SHC3: variants seen among roughly 807,000 people sequenced by gnomAD.
The protein encoded by SHC3 is SHC-transforming protein 3.
Under a neutral mutation model 60.4 loss-of-function variants are expected in SHC3, and 15 were observed. The observed-to-expected ratio is 0.25, with a 90% confidence interval of 0.17 to 0.38. SHC3 has a LOEUF of 0.38. Ranked by LOEUF, SHC3 falls within the 10% of genes least tolerant of loss-of-function variation. SHC3 has a pLI of 1.00. For missense variants in SHC3, 677 were observed against 786.1 expected, an observed-to-expected ratio of 0.86 and a Z score of 1.66; for synonymous variants, 294 against 325.9, an observed-to-expected ratio of 0.90 and a Z score of 1.05.
chr9:89,142,673 C>CAAA (rs769333860), intron 1 of SHC3, among the ~76,000 whole-genome samples: 29 of 83,712 alleles, frequency 3.5e-4, no homozygotes, highest in Middle Eastern at 7.2e-3. Flanking sequence ...GAGACTCTGT[C>CAAA]AAAAAAAAAA....
chr9:89,065,126 T>C (rs1451211607), intron 6 of SHC3, among the ~76,000 whole-genome samples: 9 of 152,162 alleles, frequency 5.9e-5, no homozygotes, highest in Admixed American at 5.9e-4. Context: ...GCTCAGACAC[T>C]AACCTCTAGG....
chr9:89,150,065 T>G (rs565004529), intron 1 of SHC3, among the ~76,000 whole-genome samples: 1 of 152,368 alleles, frequency 6.6e-6, no homozygotes, highest in Admixed American at 6.5e-5. Flanking sequence ...AGAGTAGTGA[T>G]GCTGACTTGT....
intron 1 of SHC3, among the ~76,000 whole-genome samples, chr9:89,162,753 T>C (rs1184248850): frequency 6.7e-6 from 1 of 149,798 alleles, no homozygotes. Flanking sequence ...GGGATCTAAT[T>C]AAACTAAAGA....
chr9:89,150,608 A>T (rs1826532598), intron 1 of SHC3, among the ~76,000 whole-genome samples: 1 of 152,244 alleles, frequency 6.6e-6, no homozygotes, highest in Admixed American at 6.5e-5. Flanking sequence ...CTATTCAGCA[A>T]TTGATGGGCA....
At chr9:89,054,009 T>C (rs1460525423) in intron 6 of SHC3, among the ~76,000 whole-genome samples, 1 of 152,132 alleles carries the variant, frequency 6.6e-6, no homozygotes, top group Non-Finnish European at 1.5e-5. Context: ...GAAAAAAGAC[T>C]GGAAAAGGGT....
Position 89,054,719 on chromosome 9 carries a change from C to A in SHC3, c.836-2556G>T, listed in dbSNP as rs79851651. On this transcript the variant is annotated intron_variant, in intron 6 of 11. Coordinates refer to ENST00000375835, the MANE Select transcript of SHC3 (RefSeq NM_016848.6). ...CCATTCGTGCACAGAATCGAGATTC[C>A]AAATGACGCAAAATCTAAAACATAG... Among the ~76,000 whole-genome samples, 916 of 152,326 alleles carry A rather than the reference C, an allele frequency of 6.0e-3. 5 individuals carry two copies. The highest frequency in any genetic ancestry group is 9.8e-3 in the Non-Finnish European group (669 of 68,032).
At chr9:89,114,209 G>A (rs1448439745) in intron 1 of SHC3, among the ~76,000 whole-genome samples, 7 of 152,080 alleles carry the variant, frequency 4.6e-5, no homozygotes, top group East Asian at 3.9e-4. Flanking sequence ...AAAAACCAAC[G>A]TGGCAGAGTT....
intron 1 of SHC3, among the ~76,000 whole-genome samples, chr9:89,127,875 A>C (rs2118156955): frequency 6.6e-6 from 1 of 151,928 alleles, no homozygotes; most frequent in South Asian, 2.1e-4. Context: ...GGGACCCTTA[A>C]TTTTTGAGAT....
intron 1 of SHC3, among the ~76,000 whole-genome samples, chr9:89,140,335 T>C (rs984574915): frequency 2.0e-5 from 3 of 147,764 alleles, no homozygotes; most frequent in African/African-American, 5.0e-5. Context: ...GCAAACAGAT[T>C]CCCCCCCCCA....
intron 4 of SHC3, 50 bp from the exon 5 acceptor site, chr9:89,071,302 C>T (rs1825267562): frequency 8.1e-6 from 13 of 1,597,282 alleles, no homozygotes; most frequent in Non-Finnish European, 1.1e-5. Context: ...GCCCTTTCCA[C>T]ATTTTGGAAA....
intron 6 of SHC3, 75 bp downstream of exon 6, chr9:89,065,454 C>A (rs769291170): frequency 2.7e-6 from 4 of 1,478,914 alleles, no homozygotes; most frequent in East Asian, 2.3e-5. Flanking sequence ...GCTGAGATAA[C>A]GAGGACCAGC....
chr9:89,109,244 G>T, intron 2 of SHC3: 1 of 815,030 alleles, frequency 1.2e-6, no homozygotes. Flanking sequence ...ACCCAGAAAT[G>T]TCTGAAGAGA....
At chr9:89,118,220 ATTTTT>A (rs370492467) in intron 1 of SHC3, among the ~76,000 whole-genome samples, 2 of 130,406 alleles carry the variant, frequency 1.5e-5, no homozygotes, top group South Asian at 4.8e-4. Flanking sequence ...GTCTCTACCT[ATTTTT>A]TTTTTTTTTT....
At chr9:89,018,432 A>G (rs138986255) in intron 11 of SHC3, among the ~76,000 whole-genome samples, 1 of 152,162 alleles carries the variant, frequency 6.6e-6, no homozygotes, top group Non-Finnish European at 1.5e-5. Flanking sequence ...ATAAGTGGGA[A>G]TTGAACAATG....
intron 1 of SHC3, among the ~76,000 whole-genome samples, chr9:89,168,822 T>C (rs961532991): frequency 6.6e-6 from 1 of 152,160 alleles, no homozygotes; most frequent in Non-Finnish European, 1.5e-5. Context: ...GTGGCCCTTG[T>C]CCAATCAGTT....
chr9:89,150,441 A>G (rs532619010), intron 1 of SHC3, among the ~76,000 whole-genome samples: 27 of 152,312 alleles, frequency 1.8e-4, no homozygotes, highest in African/African-American at 5.3e-4. Context: ...TGTACAGTCC[A>G]TGTAAATGGA....
At chr9:89,046,528 T>A (rs372078114) in intron 8 of SHC3, among the ~76,000 whole-genome samples, 6 of 152,286 alleles carry the variant, frequency 3.9e-5, no homozygotes, top group African/African-American at 1.4e-4. Flanking sequence ...CAAGCCTTTT[T>A]AAAATCTTAA....
chr9:89,104,214 T>C (rs1012751220), intron 2 of SHC3, among the ~76,000 whole-genome samples: 2 of 152,152 alleles, frequency 1.3e-5, no homozygotes, highest in Non-Finnish European at 2.9e-5. Flanking sequence ...TGTGGTTTCA[T>C]AGATGGTAGC....
chr9:89,147,377 T>C (rs1340982202), intron 1 of SHC3, among the ~76,000 whole-genome samples: 1 of 152,172 alleles, frequency 6.6e-6, no homozygotes, highest in African/African-American at 2.4e-5. Context: ...ACCCACCTTC[T>C]GCCCTTCTTG....
Sources: gnomAD v4.1 joint callset for allele counts (sites outside exome capture counted in the v4.1 genomes callset) on GRCh38, gnomAD v4.1.1 for gene constraint, MANE v1.5 for transcripts, NCBI Gene and HGNC (gene_info 2026-07-23, HGNC 2026-07-21) for gene names.